CADPS2: variants seen among roughly 807,000 people sequenced by gnomAD.
CADPS2 encodes calcium dependent secretion activator 2, also known as calcium-dependent secretion activator 2.
In CADPS2, 93 loss-of-function variants were observed where a neutral mutation model predicts 172.5. The ratio of observed to expected loss-of-function variants is 0.54; its 90% CI spans 0.46 to 0.64. The LOEUF (loss-of-function observed/expected upper bound fraction) is 0.64, where lower values mean the gene tolerates loss of function less well. CADPS2 is among the 30% of genes least tolerant of loss of function. The probability of loss-of-function intolerance (pLI) is 0.00; values close to 1 mark genes in which losing one functional copy is unlikely to be tolerated. For synonymous variants in CADPS2, 546 were observed against 555.2 expected (o/e 0.98, Z 0.23); for missense variants, 1,420 against 1,565.9 (o/e 0.91, Z 1.57).
At chr7:122,714,511 T>C (rs1258635840) in intron 2 of CADPS2, among the ~76,000 whole-genome samples, 1 of 152,048 alleles carries the variant, frequency 6.6e-6, no homozygotes, top group African/African-American at 2.4e-5. Context: ...AGTGGGGCTA[T>C]GGGTAAAACA....
At chr7:122,467,362 C>G (rs899252460) in intron 14 of CADPS2, among the ~76,000 whole-genome samples, 1 of 152,164 alleles carries the variant, frequency 6.6e-6, no homozygotes, top group Non-Finnish European at 1.5e-5. Flanking sequence ...AAAAAATGCA[C>G]ACTGTCTCTA....
chr7:122,569,936 A>T (rs2066994916), intron 7 of CADPS2, among the ~76,000 whole-genome samples: 1 of 146,816 alleles, frequency 6.8e-6, no homozygotes, highest in African/African-American at 2.6e-5. Context: ...ACCCTAGAAG[A>T]AAACCTAGGC....
At chr7:122,637,171 CTTTTTTTTTTTTTTTTT>C (rs71161313) in intron 3 of CADPS2, among the ~76,000 whole-genome samples, 22 of 53,902 alleles carry the variant, frequency 4.1e-4, no homozygotes, top group African/African-American at 9.5e-4. Context: ...TGAAATTTTG[CTTTTTTTTTTTTTTTTT>C]TTTTTTTTTT....
At chr7:122,498,763 TTTA>T (rs1407118432) in intron 9 of CADPS2, among the ~76,000 whole-genome samples, 1 of 152,196 alleles carries the variant, frequency 6.6e-6, no homozygotes, top group Non-Finnish European at 1.5e-5. Flanking sequence ...GTTATTGTTT[TTTA>T]TTATATTTTT....
intron 2 of CADPS2, among the ~76,000 whole-genome samples, chr7:122,689,145 C>A (rs573603419): frequency 1.3e-5 from 2 of 152,168 alleles, no homozygotes; most frequent in South Asian, 2.1e-4. Context: ...ATTATTAGAG[C>A]CCAATGTAGG....
At chr7:122,747,834 G>A (rs957278907) in intron 1 of CADPS2, among the ~76,000 whole-genome samples, 2 of 111,364 alleles carry the variant, frequency 1.8e-5, no homozygotes, top group Admixed American at 8.0e-5. Flanking sequence ...ATGTCATTGT[G>A]CCTTTGCACA....
intron 7 of CADPS2, among the ~76,000 whole-genome samples, chr7:122,570,815 T>G (rs932053651): frequency 6.6e-6 from 1 of 151,940 alleles, no homozygotes; most frequent in Admixed American, 6.6e-5. Flanking sequence ...TTCTCATTCA[T>G]AGATGGGAAT....
chr7:122,841,618 A>C (rs1471463180), intron 1 of CADPS2, among the ~76,000 whole-genome samples: 1 of 152,218 alleles, frequency 6.6e-6, no homozygotes, highest in Non-Finnish European at 1.5e-5. Context: ...GCTTTGCCGC[A>C]AGAGTAGGAG....
chr7:122,341,902 G>A (rs1405841130), intron 28 of CADPS2, among the ~76,000 whole-genome samples: 3 of 151,838 alleles, frequency 2.0e-5, no homozygotes, highest in Non-Finnish European at 4.4e-5. Flanking sequence ...AACAAACTTA[G>A]TTTTCCCTGT....
chr7:122,423,865 T>C (rs1319093192), intron 17 of CADPS2, among the ~76,000 whole-genome samples: 1 of 152,142 alleles, frequency 6.6e-6, no homozygotes, highest in Non-Finnish European at 1.5e-5. Flanking sequence ...GTGTAGGGAA[T>C]GCACTTCGAG....
chr7:122,329,913 A>C (rs1449719023), intron 28 of CADPS2, among the ~76,000 whole-genome samples: 1 of 152,196 alleles, frequency 6.6e-6, no homozygotes, highest in African/African-American at 2.4e-5. Context: ...GATGATGGCA[A>C]GGTAAAAATA....
intron 1 of CADPS2, among the ~76,000 whole-genome samples, chr7:122,823,267 T>C (rs1316101730): frequency 6.6e-6 from 1 of 152,166 alleles, no homozygotes; most frequent in Non-Finnish European, 1.5e-5. Flanking sequence ...CACAATGCCA[T>C]TCTATTTTAG....
chr7:122,733,035 A>T (rs1210392774), intron 2 of CADPS2, among the ~76,000 whole-genome samples: 5 of 151,132 alleles, frequency 3.3e-5, no homozygotes, highest in African/African-American at 1.2e-4. Flanking sequence ...ACAGCTGCAT[A>T]CAGCAAACAA....
At chr7:122,865,435 C>A (rs746471084) in intron 1 of CADPS2, among the ~76,000 whole-genome samples, 2 of 152,208 alleles carry the variant, frequency 1.3e-5, no homozygotes, top group African/African-American at 2.4e-5. Flanking sequence ...GAGACCCTGA[C>A]TGTTCCACAG....
intron 11 of CADPS2, among the ~76,000 whole-genome samples, chr7:122,481,140 T>A (rs13238360): frequency 4.7e-5 from 7 of 150,510 alleles, no homozygotes; most frequent in African/African-American, 1.7e-4. Flanking sequence ...TCTGATGAGG[T>A]AGAACATTTT....
At chr7:122,770,979 G>T (rs559721959) in intron 1 of CADPS2, among the ~76,000 whole-genome samples, 3 of 152,276 alleles carry the variant, frequency 2.0e-5, no homozygotes, top group South Asian at 2.1e-4. Context: ...TCAGTGACTG[G>T]AGGCTGCCAG....
intron 3 of CADPS2, among the ~76,000 whole-genome samples, chr7:122,648,077 G>A (rs1563958271): frequency 2.0e-5 from 3 of 152,064 alleles, no homozygotes; most frequent in African/African-American, 4.8e-5. Flanking sequence ...AGGTTACTTC[G>A]TTGTCATCTT....
intron 1 of CADPS2, among the ~76,000 whole-genome samples, chr7:122,849,347 T>C (rs1812892300): frequency 6.6e-6 from 1 of 152,226 alleles, no homozygotes; most frequent in African/African-American, 2.4e-5. Context: ...AAAAACATTT[T>C]AATTTGCATT....
At chr7:122,634,909 C>T (rs2076918625) in intron 3 of CADPS2, among the ~76,000 whole-genome samples, 1 of 152,070 alleles carries the variant, frequency 6.6e-6, no homozygotes, top group South Asian at 2.1e-4. Context: ...TCATTGCTCA[C>T]CCAGGATTTA....
Sources: allele counts gnomAD v4.1 joint callset (sites outside exome capture counted in the v4.1 genomes callset), GRCh38; gene constraint gnomAD v4.1.1; transcripts MANE v1.5; gene names NCBI Gene and HGNC (gene_info 2026-07-23, HGNC 2026-07-21).